CHRM3: variants seen among roughly 807,000 people sequenced by gnomAD.
The protein encoded by CHRM3 is muscarinic acetylcholine receptor M3.
A neutral mutation model predicts 41.8 loss-of-function variants in CHRM3; 11 were observed. That is an observed-to-expected ratio of 0.26 (90% CI 0.17 to 0.44). CHRM3 has a LOEUF of 0.44. CHRM3 is among the 20% of genes least tolerant of loss of function. CHRM3 has a pLI of 1.00. For synonymous variants in CHRM3, 297 were observed against 301.4 expected (o/e 0.99, Z 0.15); for missense variants, 571 against 745.4 (o/e 0.77, Z 2.72).
chr1:239,681,979 G>C (rs1184706866), intron 5 of CHRM3, among the ~76,000 whole-genome samples: 1 of 152,208 alleles, frequency 6.6e-6, no homozygotes, highest in Non-Finnish European at 1.5e-5. Flanking sequence ...CATCAGCAAA[G>C]CTAAAGTGTG....
At chr1:239,444,452 A>G (rs1000655902) in intron 1 of CHRM3, among the ~76,000 whole-genome samples, 2 of 152,176 alleles carry the variant, frequency 1.3e-5, no homozygotes, top group African/African-American at 4.8e-5. Flanking sequence ...GGGATTTATT[A>G]AAGAGGAAGC....
intron 6 of CHRM3, among the ~76,000 whole-genome samples, chr1:239,853,390 T>A (rs565576558): frequency 8.5e-5 from 13 of 152,120 alleles, no homozygotes; most frequent in African/African-American, 2.4e-4. Flanking sequence ...ATAGTCTTGT[T>A]TTTTTCTTTT....
At chr1:239,881,174 T>A (rs1677571545) in intron 6 of CHRM3, among the ~76,000 whole-genome samples, 2 of 144,356 alleles carry the variant, frequency 1.4e-5, no homozygotes, top group Admixed American at 1.5e-4. Flanking sequence ...TCCCAGCTTC[T>A]CGGGAGGCTG....
intron 6 of CHRM3, among the ~76,000 whole-genome samples, chr1:239,874,289 A>ATATATATATATATATATCTATATACACAG (rs1558198892): frequency 3.1e-3 from 204 of 66,786 alleles, no homozygotes; most frequent in East Asian, 0.015. Context: ...TACACAGTAT[A>ATATATATATATATATATCTATATACACAG]TATATATATA....
At chr1:239,404,461 A>AGAAG (rs1660397903) in intron 1 of CHRM3, among the ~76,000 whole-genome samples, 1 of 140,784 alleles carries the variant, frequency 7.1e-6, no homozygotes, top group Admixed American at 7.1e-5. Flanking sequence ...AAAGAAAGAA[A>AGAAG]GAAAGAAAAA....
chr1:239,433,885 C>T (rs1408388067), intron 1 of CHRM3, among the ~76,000 whole-genome samples: 1 of 152,130 alleles, frequency 6.6e-6, no homozygotes, highest in Non-Finnish European at 1.5e-5. Flanking sequence ...TGGGCTGGTT[C>T]CATACTTTTG....
At chr1:239,816,885 T>C (rs1671636547) in intron 5 of CHRM3, among the ~76,000 whole-genome samples, 2 of 151,964 alleles carry the variant, frequency 1.3e-5, no homozygotes, top group Admixed American at 1.3e-4. Context: ...TGCCCACCAT[T>C]ATGCCCAGCT....
chr1:239,733,218 C>G (rs890893792), intron 5 of CHRM3, among the ~76,000 whole-genome samples: 1 of 151,940 alleles, frequency 6.6e-6, no homozygotes, highest in Middle Eastern at 3.2e-3. Flanking sequence ...CCCTCTAATC[C>G]CAAATGGATC....
chr1:239,443,954 A>G (rs1663928078), intron 1 of CHRM3, among the ~76,000 whole-genome samples: 1 of 152,198 alleles, frequency 6.6e-6, no homozygotes, highest in East Asian at 1.9e-4. Context: ...CAGATTTTAT[A>G]GTTTTCAAAA....
At chr1:239,692,355 C>T (rs1357290239) in intron 5 of CHRM3, among the ~76,000 whole-genome samples, 2 of 152,016 alleles carry the variant, frequency 1.3e-5, no homozygotes, top group Non-Finnish European at 2.9e-5. Context: ...TCTGTATCAA[C>T]AATAATTAAA....
In CHRM3 at chr1:239,719,288, C is replaced by G. The variant is rs1393929901; in HGVS notation, c.-147+41000C>G. ...GTGTTGGCAGAATTAGTCCCCTGCT[C>G]TTGGTTATACCTGTCCACTTTAAAC... is the stretch of plus-strand genomic sequence containing the variant. On this transcript the variant is annotated intron_variant, in intron 5 of 6. Coordinates refer to ENST00000676153, the MANE Select transcript of CHRM3 (RefSeq NM_001375978.1). Among the ~76,000 whole-genome samples the G allele has an allele frequency of 1.1e-4, 17 of 152,046 alleles. No individual in the cohort carries two copies. The South Asian group carries it at 1.2e-3, about 11-fold the overall frequency.
intron 1 of CHRM3, among the ~76,000 whole-genome samples, chr1:239,403,976 GGAGAGAGAGAGAGAGAGAGAGA>G (rs531556599): frequency 3.2e-4 from 15 of 46,506 alleles, no homozygotes; most frequent in Admixed American, 1.8e-3. Flanking sequence ...AGAGGGAGGG[GGAGAGAGAGAGAGAGAGAGAGA>G]GAGAGAGAGA....
At chr1:239,410,267 G>A (rs529691947) in intron 1 of CHRM3, among the ~76,000 whole-genome samples, 13 of 152,048 alleles carry the variant, frequency 8.5e-5, no homozygotes, top group Non-Finnish European at 1.6e-4. Flanking sequence ...CTTCAATCCA[G>A]TGTTTCTCAA....
At chr1:239,410,927 C>T (rs1252522680) in intron 1 of CHRM3, among the ~76,000 whole-genome samples, 1 of 152,194 alleles carries the variant, frequency 6.6e-6, no homozygotes, top group Non-Finnish European at 1.5e-5. Context: ...AGCCTCACTG[C>T]TGTGGGCGTC....
intron 3 of CHRM3, among the ~76,000 whole-genome samples, chr1:239,597,522 T>A (rs2148667827): frequency 6.6e-6 from 1 of 152,288 alleles, no homozygotes; most frequent in South Asian, 2.1e-4. Flanking sequence ...AGCTTTCTCC[T>A]CATGAATTGT....
intron 1 of CHRM3, among the ~76,000 whole-genome samples, chr1:239,465,074 T>G (rs1027816361): frequency 2.0e-5 from 3 of 152,142 alleles, no homozygotes; most frequent in Non-Finnish European, 4.4e-5. Context: ...TCTACAAAAT[T>G]TTCTGTGTAA....
At chr1:239,864,363 C>T (rs1445435547) in intron 6 of CHRM3, among the ~76,000 whole-genome samples, 2 of 152,046 alleles carry the variant, frequency 1.3e-5, no homozygotes, top group African/African-American at 4.8e-5. Context: ...AAAAATTAGC[C>T]AGGCGTGGTG....
intron 5 of CHRM3, among the ~76,000 whole-genome samples, chr1:239,783,024 T>C (rs1414959572): frequency 6.6e-6 from 1 of 150,452 alleles, no homozygotes; most frequent in Non-Finnish European, 1.5e-5. Flanking sequence ...TGGCCCAGAA[T>C]GTGGTCTATT....
intron 6 of CHRM3, among the ~76,000 whole-genome samples, chr1:239,877,762 C>G (rs1677226250): frequency 6.6e-6 from 1 of 151,974 alleles, no homozygotes; most frequent in South Asian, 2.1e-4. Context: ...AATGCCATAT[C>G]CAGCAGTCCC....
Sources: allele counts gnomAD v4.1 joint callset (sites outside exome capture counted in the v4.1 genomes callset), GRCh38; gene constraint gnomAD v4.1.1; transcripts MANE v1.5; gene names NCBI Gene and HGNC (gene_info 2026-07-23, HGNC 2026-07-21).